CSMD1: variants seen among roughly 807,000 people sequenced by gnomAD.
The protein encoded by CSMD1 is CUB and sushi domain-containing protein 1.
A neutral mutation model predicts 417.5 loss-of-function variants in CSMD1; 213 were observed. The observed-to-expected ratio is 0.51, with a 90% confidence interval of 0.46 to 0.57. CSMD1 has a LOEUF of 0.57. Ranked by LOEUF, CSMD1 falls within the 20% of genes least tolerant of loss-of-function variation. The pLI is 0.00. For synonymous variants in CSMD1, 2,862 were observed against 1,736.8 expected (o/e 1.65, Z -16.11); for missense variants, 6,923 against 4,529.7 (o/e 1.53, Z -15.17).
At chr8:4,551,080 A>T (rs1797849072) in intron 2 of CSMD1, among the ~76,000 whole-genome samples, 1 of 152,176 alleles carries the variant, frequency 6.6e-6, no homozygotes, top group African/African-American at 2.4e-5. Flanking sequence ...ACTATTTTGA[A>T]TGTTTTAAAA....
chr8:3,794,650 T>C (rs546519515), intron 5 of CSMD1, among the ~76,000 whole-genome samples: 152 of 152,230 alleles, frequency 1.0e-3, no homozygotes, highest in South Asian at 9.1e-3. Flanking sequence ...TGACTAGAAG[T>C]TATGTGATTA....
At chr8:3,065,715 G>C (rs965801078) in intron 49 of CSMD1, among the ~76,000 whole-genome samples, 105 of 152,252 alleles carry the variant, frequency 6.9e-4, no homozygotes, top group African/African-American at 2.4e-3. Context: ...ATGATAGATA[G>C]GAGATAGCCT....
At chr8:4,035,248 C>G (rs1030861882) in intron 3 of CSMD1, among the ~76,000 whole-genome samples, 1 of 152,118 alleles carries the variant, frequency 6.6e-6, no homozygotes, top group Non-Finnish European at 1.5e-5. Context: ...GAACAAACCA[C>G]CTGTGCAGCC....
intron 2 of CSMD1, among the ~76,000 whole-genome samples, chr8:4,429,908 G>C (rs998432119): frequency 1.3e-5 from 2 of 152,008 alleles, no homozygotes; most frequent in Non-Finnish European, 2.9e-5. Context: ...CCAAGACTTG[G>C]GGATTCAATC....
chr8:4,072,276 A>G (rs1225642525), intron 3 of CSMD1, among the ~76,000 whole-genome samples: 1 of 152,170 alleles, frequency 6.6e-6, no homozygotes, highest in East Asian at 1.9e-4. Flanking sequence ...GCCATCCTGA[A>G]TTGCACTTTT....
chr8:4,305,931 T>G (rs1302061188), intron 3 of CSMD1, among the ~76,000 whole-genome samples: 5 of 152,178 alleles, frequency 3.3e-5, no homozygotes, highest in Admixed American at 2.0e-4. Context: ...TAACCTTTAT[T>G]TAATAAACTG....
At chr8:4,448,948 T>A (rs1403194372) in intron 2 of CSMD1, among the ~76,000 whole-genome samples, 2 of 152,214 alleles carry the variant, frequency 1.3e-5, no homozygotes, top group South Asian at 2.1e-4. Context: ...ATTACCAGTG[T>A]ACCTGTTTCT....
intron 26 of CSMD1, among the ~76,000 whole-genome samples, chr8:3,249,743 G>C (rs1800134363): frequency 1.3e-5 from 1 of 77,778 alleles, no homozygotes; most frequent in African/African-American, 3.8e-5. Context: ...GCAAGAGAAT[G>C]TGTTTATTTC....
At chr8:4,387,166 C>T (rs780190903) in intron 3 of CSMD1, among the ~76,000 whole-genome samples, 1 of 152,144 alleles carries the variant, frequency 6.6e-6, no homozygotes, top group Non-Finnish European at 1.5e-5. Flanking sequence ...AATGAGTTAA[C>T]ACAATGCCAT....
chr8:4,119,165 G>T (rs979986590), intron 3 of CSMD1, among the ~76,000 whole-genome samples: 4 of 151,958 alleles, frequency 2.6e-5, no homozygotes, highest in African/African-American at 9.7e-5. Flanking sequence ...CTAGATGATG[G>T]TTTGATAGGT....
At chr8:3,558,387 G>C (rs867648538) in intron 10 of CSMD1, among the ~76,000 whole-genome samples, 2 of 134,330 alleles carry the variant, frequency 1.5e-5, no homozygotes, top group East Asian at 2.1e-4. Context: ...GTAGTACCCC[G>C]TGTCCACTTC....
chr8:3,463,708 C>A (rs4875711), intron 12 of CSMD1, among the ~76,000 whole-genome samples: 1 of 152,122 alleles, frequency 6.6e-6, no homozygotes, highest in African/African-American at 2.4e-5. Context: ...AGAAGACGGG[C>A]GAGACTGGGC....
chr8:3,853,890 T>TAAAGTATAATATATTA lies in CSMD1; in HGVS notation c.819-99849_819-99848insTAATATATTATACTTT, dbSNP rs1563147008. On this transcript the variant is annotated intron_variant, in intron 5 of 69. Coordinates refer to ENST00000635120, the MANE Select transcript of CSMD1 (RefSeq NM_033225.6). ...ATTATACTTTAATATATTAATATATTATACTTTAATATATTAATACATTAA... is the reference window on the plus strand; with the variant it reads ...ATTATACTTTAATATATTAATATATTAAAGTATAATATATTAATACTTTAATATATTAATACATTAA... 5.1e-4 allele frequency among the ~76,000 whole-genome samples: 74 copies of TAAAGTATAATATATTA among 144,888 alleles called. 6 individuals carry two copies. Among genetic ancestry groups the TAAAGTATAATATATTA allele is most frequent in the African/African-American group, 1.3e-3 (52 of 39,722 alleles).
chr8:4,949,840 A>G (rs1400181140), intron 1 of CSMD1, among the ~76,000 whole-genome samples: 3 of 152,206 alleles, frequency 2.0e-5, no homozygotes, highest in Non-Finnish European at 4.4e-5. Context: ...GGATATATAT[A>G]TAGAGAGAAT....
chr8:3,772,570 CATATATACACATATATTT>C (rs2129059659), intron 5 of CSMD1, among the ~76,000 whole-genome samples: 1 of 130,238 alleles, frequency 7.7e-6, no homozygotes, highest in East Asian at 2.2e-4. Context: ...CATATATATA[CATATATACACATATATTT>C]ATATACATAT....
intron 37 of CSMD1, among the ~76,000 whole-genome samples, chr8:3,175,772 G>A (rs1191792796): frequency 1.3e-5 from 2 of 152,084 alleles, no homozygotes; most frequent in Non-Finnish European, 2.9e-5. Context: ...AATTTGCTTT[G>A]CAGAATATAT....
At chr8:4,040,714 C>A (rs1009033073) in intron 3 of CSMD1, among the ~76,000 whole-genome samples, 35 of 152,154 alleles carry the variant, frequency 2.3e-4, no homozygotes, top group African/African-American at 8.2e-4. Flanking sequence ...AGCAAAAACA[C>A]TGCAGGAGAG....
chr8:3,779,305 T>G (rs2129062111), intron 5 of CSMD1, among the ~76,000 whole-genome samples: 1 of 152,196 alleles, frequency 6.6e-6, no homozygotes, highest in Middle Eastern at 3.4e-3. Context: ...TGAACTTTTC[T>G]ATTGATTTTT....
rs117716939 is a variant in CSMD1, at chr8:3,924,011, T to A, written c.818+73892A>T. 6.7e-3 allele frequency among the ~76,000 whole-genome samples: 1,022 copies of A among 152,350 alleles called. 4 individuals are homozygous for A. Among genetic ancestry groups the A allele is most frequent in the Middle Eastern group, 0.017 (5 of 294 alleles). ...TTTACAGGTAAGTTTTGTGCTTTCTTGCTGCTAATAAGTGTCCTTTCATTT... is the reference window on the plus strand; with the variant it reads ...TTTACAGGTAAGTTTTGTGCTTTCTAGCTGCTAATAAGTGTCCTTTCATTT... On this transcript the variant is annotated intron_variant, in intron 5 of 69. Transcript: ENST00000635120.
Sources: gnomAD v4.1 joint callset for allele counts (sites outside exome capture counted in the v4.1 genomes callset) on GRCh38, gnomAD v4.1.1 for gene constraint, MANE v1.5 for transcripts, NCBI Gene and HGNC (gene_info 2026-07-23, HGNC 2026-07-21) for gene names.